Variants in COLEC11 observed in about 807,000 individuals in gnomAD.
The protein encoded by COLEC11 is collectin subfamily member 11, also known as collectin-11.
Under a neutral mutation model 27.3 loss-of-function variants are expected in COLEC11, and 20 were observed. The observed-to-expected ratio is 0.73, with a 90% CI of 0.51 to 1.06. The LOEUF is 1.06. Ranked by LOEUF, COLEC11 falls within the 50% of genes least tolerant of loss-of-function variation. COLEC11 has a pLI of 0.00. For synonymous variants in COLEC11, 163 were observed against 154.7 expected (o/e 1.05, Z -0.40); for missense variants, 310 against 383.0 (o/e 0.81, Z 1.59).
Position 3,602,212 on chromosome 2 carries a change from G to A in COLEC11, c.-26-2103G>A, listed in dbSNP as rs1572383984. On this transcript the variant is annotated intron_variant, in intron 1 of 6. Transcript: ENST00000349077. The surrounding 1 kb of genome is among the most constrained non-coding windows in gnomAD (Gnocchi z 6.2). ...GTGACCTTCATTTTGGACCTGAGAG[G>A]GCCAGCTGGCTTGGAATTGTGGGAG... Among the ~76,000 whole-genome samples the A allele has an allele frequency of 6.6e-6, 1 of 152,094 alleles. No homozygotes were observed. Among genetic ancestry groups the A allele is most frequent in the Non-Finnish European group, 1.5e-5 (1 of 68,024 alleles).
At chr2:3,638,459 T>C (rs1572472539) in intron 4 of COLEC11, among the ~76,000 whole-genome samples, 1 of 151,766 alleles carries the variant, frequency 6.6e-6, no homozygotes, top group Admixed American at 6.6e-5. Flanking sequence ...GTGGAGGGAG[T>C]CTGCTGTGGT....
At chr2:3,639,677 T>G (rs148046943) in intron 4 of COLEC11, among the ~76,000 whole-genome samples, 217 of 152,302 alleles carry the variant, frequency 1.4e-3, no homozygotes, top group African/African-American at 4.9e-3. Context: ...CCCCCTTGTT[T>G]TGGACGTTGA....
At chr2:3,615,017 A>G (rs938849596) in intron 3 of COLEC11, among the ~76,000 whole-genome samples, 1 of 152,216 alleles carries the variant, frequency 6.6e-6, no homozygotes, top group African/African-American at 2.4e-5. Flanking sequence ...CAAGGCTGAG[A>G]GCAGAATAAA....
chr2:3,623,573 A>T (rs995810384), intron 3 of COLEC11, among the ~76,000 whole-genome samples: 9 of 151,666 alleles, frequency 5.9e-5, no homozygotes, highest in African/African-American at 2.2e-4. Context: ...TGTTTGATCA[A>T]TTCTGCTCTT....
At chr2:3,609,186 A>G (rs1171378931) in intron 2 of COLEC11, among the ~76,000 whole-genome samples, 1 of 152,144 alleles carries the variant, frequency 6.6e-6, no homozygotes, top group Non-Finnish European at 1.5e-5. Flanking sequence ...TATAAAGAAA[A>G]CGTGTGTTAA....
chr2:3,610,688 C>T (rs55922055), intron 2 of COLEC11, among the ~76,000 whole-genome samples: 12,410 of 152,198 alleles, frequency 0.082, 742 homozygotes, highest in African/African-American at 0.17. Flanking sequence ...TCCCCCTTGT[C>T]TGTGCACCTG....
intron 2 of COLEC11, chr2:3,605,827 G>A (rs1662644033): frequency 2.6e-6 from 1 of 383,100 alleles, no homozygotes; most frequent in South Asian, 3.1e-5. Context: ...CTCTCCCGGG[G>A]CACAGGGTCC....
chr2:3,640,237 C>T (rs1460408483), intron 4 of COLEC11, 41 bp from the exon 5 acceptor site: 11 of 1,224,238 alleles, frequency 9.0e-6, no homozygotes, highest in South Asian at 2.4e-5. Context: ...AGAACATGTC[C>T]ATCTCTGCCT....
intron 1 of COLEC11, among the ~76,000 whole-genome samples, chr2:3,597,641 A>G (rs543005215): frequency 9.2e-5 from 14 of 152,264 alleles, no homozygotes; most frequent in Non-Finnish European, 1.6e-4. Flanking sequence ...CTAGAGGGGA[A>G]ATTCCCATGT....
intron 3 of COLEC11, among the ~76,000 whole-genome samples, chr2:3,625,549 C>T (rs1390855460): frequency 6.6e-6 from 1 of 150,576 alleles, no homozygotes; most frequent in Non-Finnish European, 1.5e-5. Flanking sequence ...AGGGGAGGGG[C>T]GTTTAGCACT....
At chr2:3,641,134 C>T (rs1347897638) in intron 5 of COLEC11, 20 of 1,014,034 alleles carry the variant, frequency 2.0e-5, no homozygotes, top group African/African-American at 1.5e-4. Context: ...GTAGACCCCA[C>T]GGTGGATCCC....
intron 2 of COLEC11, among the ~76,000 whole-genome samples, chr2:3,610,065 G>C (rs13010479): frequency 0.69 from 105,312 of 152,142 alleles, 36,974 homozygotes; most frequent in South Asian, 0.89. Flanking sequence ...TTATCTTTAG[G>C]AGGAGAGGAG....
chr2:3,641,328 T>A, intron 5 of COLEC11: 1 of 1,303,088 alleles, frequency 7.7e-7, no homozygotes, highest in Non-Finnish European at 1.0e-6. Context: ...TGCGCTGAGA[T>A]CAGTGTCACT....
rs1662292827 is a variant in COLEC11 at position 3,602,341 on chromosome 2, AC to A, written c.-26-1971del. Reference sequence around the variant, plus strand: ...TAGTGTCTCAGACTCGGAAAGTTGAACCCGAGCCCCTGACTTCACTTCACCT... The same window carrying A: ...TAGTGTCTCAGACTCGGAAAGTTGAACCGAGCCCCTGACTTCACTTCACCT... On this transcript the variant is annotated intron_variant, in intron 1 of 6. Transcript: ENST00000349077. The surrounding 1 kb of genome is among the most constrained non-coding windows in gnomAD (Gnocchi z 6.2). Among the ~76,000 whole-genome samples, 1 of 152,012 alleles carries A rather than the reference AC, an allele frequency of 6.6e-6. No individual in the cohort carries two copies. Among genetic ancestry groups the A allele is most frequent in the Admixed American group, 6.5e-5 (1 of 15,284 alleles).
chr2:3,637,473 TGGA>T, intron 3 of COLEC11, 57 bp from the exon 4 acceptor site: 2 of 1,338,236 alleles, frequency 1.5e-6, no homozygotes, highest in Non-Finnish European at 2.2e-6. Flanking sequence ...ACGTGTGTGA[TGGA>T]GGAGGCCACG....
intron 1 of COLEC11, among the ~76,000 whole-genome samples, chr2:3,596,530 G>A (rs1439781297): frequency 6.6e-6 from 1 of 151,912 alleles, no homozygotes; most frequent in African/African-American, 2.4e-5. Flanking sequence ...TGGAGAGGGG[G>A]GTTTCACCAT....
At chr2:3,608,525 C>T (rs1024181824) in intron 2 of COLEC11, among the ~76,000 whole-genome samples, 1 of 152,126 alleles carries the variant, frequency 6.6e-6, no homozygotes, top group Admixed American at 6.5e-5. Flanking sequence ...ATGAACACTT[C>T]AAACCTTGCC....
intron 3 of COLEC11, among the ~76,000 whole-genome samples, chr2:3,619,502 G>T (rs1439289365): frequency 6.6e-6 from 1 of 152,158 alleles, no homozygotes; most frequent in Non-Finnish European, 1.5e-5. Context: ...TTTGTCAAAC[G>T]TTCTTTCAGC....
At chr2:3,615,919 G>C (rs1459177835) in intron 3 of COLEC11, among the ~76,000 whole-genome samples, 1 of 110,400 alleles carries the variant, frequency 9.1e-6, no homozygotes, top group Non-Finnish European at 2.1e-5. Context: ...CCTCCCTCCC[G>C]GACGGGGGGG....
Sources: gnomAD v4.1 joint callset for allele counts (sites outside exome capture counted in the v4.1 genomes callset) on GRCh38, gnomAD v4.1.1 for gene constraint, Gnocchi (gnomAD v3.1) non-coding constraint, MANE v1.5 for transcripts, NCBI Gene and HGNC (gene_info 2026-07-23, HGNC 2026-07-21) for gene names.